Variants in SLC39A10 observed in about 807,000 individuals in gnomAD.
The protein encoded by SLC39A10 is zinc transporter ZIP10.
SLC39A10 carries 13 observed loss-of-function variants against 65.1 expected under a neutral mutation model. That is an observed-to-expected ratio of 0.20 (90% CI 0.13 to 0.32). The LOEUF (loss-of-function observed/expected upper bound fraction) is 0.32. Among genes scored for constraint, SLC39A10 ranks in the 10% least tolerant of loss-of-function variants. The pLI, the probability that SLC39A10 is intolerant of heterozygous loss-of-function variation, is 1.00. For missense variants in SLC39A10, 831 were observed against 1,018.4 expected, an observed-to-expected ratio of 0.82 and a Z score of 2.50; for synonymous variants, 321 against 342.2, an observed-to-expected ratio of 0.94 and a Z score of 0.68.
intron 6 of SLC39A10, among the ~76,000 whole-genome samples, chr2:195,715,518 T>G (rs1157699360): frequency 2.4e-5 from 3 of 126,262 alleles, no homozygotes; most frequent in African/African-American, 9.6e-5. Flanking sequence ...AGAGTGAGAC[T>G]CTGTCTCAAA....
chr2:195,637,753 C>T (rs569707818), intron 2 of SLC39A10, among the ~76,000 whole-genome samples: 49 of 152,018 alleles, frequency 3.2e-4, no homozygotes, highest in South Asian at 2.9e-3. Context: ...TGAAGGTCTG[C>T]GTAGGTAGAA....
At chr2:195,659,658 T>G (rs1689305439) in intron 1 of SLC39A10, among the ~76,000 whole-genome samples, 1 of 152,222 alleles carries the variant, frequency 6.6e-6, no homozygotes, top group African/African-American at 2.4e-5. Context: ...TTAATTAGTT[T>G]GCTTACCTTG....
chr2:195,692,399 G>T (rs1690779313), intron 3 of SLC39A10, among the ~76,000 whole-genome samples: 1 of 151,878 alleles, frequency 6.6e-6, no homozygotes, highest in Non-Finnish European at 1.5e-5. Context: ...ATGGTATTTT[G>T]ATGGAAATTG....
chr2:195,709,509 G>A (rs182419678), intron 5 of SLC39A10, among the ~76,000 whole-genome samples: 2 of 152,288 alleles, frequency 1.3e-5, no homozygotes, highest in African/African-American at 4.8e-5. Context: ...TGGGATTACA[G>A]ACATGAGCCA....
intron 1 of SLC39A10, among the ~76,000 whole-genome samples, chr2:195,675,683 C>T (rs990295445): frequency 5.3e-5 from 8 of 152,308 alleles, no homozygotes; most frequent in South Asian, 2.1e-4. Flanking sequence ...CCACCCACCT[C>T]GGCCTCCCAA....
intron 1 of SLC39A10, among the ~76,000 whole-genome samples, chr2:195,674,221 A>G (rs1689988314): frequency 6.6e-6 from 1 of 152,114 alleles, no homozygotes; most frequent in African/African-American, 2.4e-5. Flanking sequence ...TATTCTAATG[A>G]TGAGCATTTA....
At chr2:195,632,290 C>CTTTTTTTTTTTTTTTTT (rs202193660) in intron 2 of SLC39A10, among the ~76,000 whole-genome samples, 1 of 69,224 alleles carries the variant, frequency 1.4e-5, no homozygotes, top group African/African-American at 6.3e-5. Context: ...ATTCTACTTC[C>CTTTTTTTTTTTTTTTTT]TTTTTTTTTT....
rs67651617 is a variant in SLC39A10 at position 195,696,319 on chromosome 2, GAAAA to G, written c.1217-10284_1217-10281del. 7.0e-3 allele frequency among the ~76,000 whole-genome samples: 985 copies of G among 140,930 alleles called. 8 individuals are homozygous for G. The highest frequency in any genetic ancestry group is 0.017 in the South Asian group (75 of 4,420). The allele number at this position is 140,930 out of a possible 152,430, so 92.5% of individuals were successfully genotyped here. A position where few individuals can be genotyped will look rare whatever the true frequency, so the allele number is the denominator to read the frequency against. On this transcript the variant is annotated intron_variant, in intron 3 of 9. Coordinates refer to ENST00000359634, the MANE Select transcript of SLC39A10 (RefSeq NM_020342.3). The stretch of plus-strand genomic sequence containing the variant: ...AGGATGTTTTTTATTTTTTATTTCT[GAAAA>G]AAAAAAAAAAAACCTATCATTAGGA...
chr2:195,675,347 T>C (rs1690039969), intron 1 of SLC39A10, among the ~76,000 whole-genome samples: 1 of 152,246 alleles, frequency 6.6e-6, no homozygotes, highest in Admixed American at 6.5e-5. Flanking sequence ...CTTCTTTTTA[T>C]GTGAAAGTTT....
At chr2:195,708,169 T>C (rs1385904333) in intron 4 of SLC39A10, among the ~76,000 whole-genome samples, 1 of 152,152 alleles carries the variant, frequency 6.6e-6, no homozygotes, top group Non-Finnish European at 1.5e-5. Flanking sequence ...AGTTGACCTG[T>C]GTAACAAACC....
chr2:195,679,897 GTTC>G (rs1690235691), intron 1 of SLC39A10, 132 bp from the exon 2 acceptor site: 1 of 621,388 alleles, frequency 1.6e-6, no homozygotes, highest in African/African-American at 1.9e-5. Context: ...CTTTTCTCTG[GTTC>G]TTAACATATT....
At chr2:195,715,210 A>G (rs1427714851) in intron 6 of SLC39A10, among the ~76,000 whole-genome samples, 1 of 152,210 alleles carries the variant, frequency 6.6e-6, no homozygotes, top group East Asian at 1.9e-4. Flanking sequence ...TACCTGGTAT[A>G]ATCATAAAGA....
Position 195,716,716 on chromosome 2 carries a change from T to A in SLC39A10, c.1776T>A (p.Pro592=). ...ATTTAGAAGGCCAACAAGAATCCCC[T>A]CCTAAAAATTACCTTTGTATAGAAG... is the stretch of plus-strand genomic sequence containing the variant. ...LTDLEGQQES[P]PKNYLCIEEE... is the part of the protein sequence containing the mutation. Residue 592 remains proline, a synonymous_variant, in exon 7 of 10, where the codon CCT becomes CCA. Transcript: ENST00000359634. 6.2e-7 allele frequency: 1 copy of A among 1,614,078 alleles called. No homozygotes were observed. Among genetic ancestry groups the A allele is most frequent in the South Asian group, 1.1e-5 (1 of 91,056 alleles).
intron 3 of SLC39A10, among the ~76,000 whole-genome samples, chr2:195,704,899 G>A (rs1231530731): frequency 6.6e-6 from 1 of 152,136 alleles, no homozygotes; most frequent in East Asian, 1.9e-4. Flanking sequence ...CCAAGCTCAA[G>A]CGATCGTTCC....
At chr2:195,683,319 C>A (rs1369412154) in intron 2 of SLC39A10, among the ~76,000 whole-genome samples, 1 of 152,002 alleles carries the variant, frequency 6.6e-6, no homozygotes, top group Non-Finnish European at 1.5e-5. Context: ...TTAAAGTACT[C>A]TAAATCTATT....
intron 1 of SLC39A10, among the ~76,000 whole-genome samples, chr2:195,666,360 T>G (rs1689636738): frequency 6.6e-6 from 1 of 152,062 alleles, no homozygotes; most frequent in Non-Finnish European, 1.5e-5. Context: ...AAATCAAGGA[T>G]GTATAACAGT....
At chr2:195,641,818 A>G (rs1413902863) in intron 2 of SLC39A10, among the ~76,000 whole-genome samples, 1 of 151,904 alleles carries the variant, frequency 6.6e-6, no homozygotes, top group South Asian at 2.1e-4. Flanking sequence ...CAGCCTCCCA[A>G]GTAGCTGAGA....
At position 195,632,706 on chromosome 2, in the gene SLC39A10, A is replaced by G. The variant is rs180987524; in HGVS notation, c.-12+26473A>G. Among the ~76,000 whole-genome samples, 530 of 152,254 alleles carry G rather than the reference A, an allele frequency of 3.5e-3. 2 individuals are homozygous for G. The highest frequency in any genetic ancestry group is 0.012 in the African/African-American group (510 of 41,552). Reference sequence around the variant, plus strand: ...TTAGAGTCTAGACCCATTTCTACCCATGAAGTTGGTCTCTTCATCTGGTGA... The same window carrying G: ...TTAGAGTCTAGACCCATTTCTACCCGTGAAGTTGGTCTCTTCATCTGGTGA... On this transcript the variant is annotated intron_variant, in intron 2 of 2. Coordinates refer to the SLC39A10 transcript ENST00000458054.
At chr2:195,702,012 T>A (rs1159587015) in intron 3 of SLC39A10, among the ~76,000 whole-genome samples, 1 of 152,206 alleles carries the variant, frequency 6.6e-6, no homozygotes, top group Non-Finnish European at 1.5e-5. Flanking sequence ...AGCCTGTGCC[T>A]TTCCCTAGGC....
Sources: gnomAD v4.1 joint callset for allele counts (sites outside exome capture counted in the v4.1 genomes callset) on GRCh38, gnomAD v4.1.1 for gene constraint, MANE v1.5 for transcripts, NCBI Gene and HGNC (gene_info 2026-07-23, HGNC 2026-07-21) for gene names.